Variants in CCDC38 observed in about 807,000 individuals in gnomAD.
The protein encoded by CCDC38 is coiled-coil domain-containing protein 38.
A neutral mutation model predicts 72.8 loss-of-function variants in CCDC38; 69 were observed. The ratio of observed to expected loss-of-function variants is 0.95; its 90% CI spans 0.78 to 1.16. CCDC38 has a LOEUF of 1.16. CCDC38 is among the 50% of genes most tolerant of loss of function. The pLI is 0.00. For missense variants in CCDC38, 626 were observed against 638.9 expected (o/e 0.98, Z 0.22); for synonymous variants, 201 against 213.2 (o/e 0.94, Z 0.50).
intron 14 of CCDC38, among the ~76,000 whole-genome samples, chr12:95,871,894 C>G (rs1256034488): frequency 6.6e-6 from 1 of 152,024 alleles, no homozygotes; most frequent in Non-Finnish European, 1.5e-5. Flanking sequence ...CCCATGATAG[C>G]TATTCAAAAA....
chr12:95,921,841 A>T (rs143702590), intron 2 of CCDC38, among the ~76,000 whole-genome samples: 73 of 152,150 alleles, frequency 4.8e-4, no homozygotes, highest in African/African-American at 1.8e-3. Context: ...AAGACTCCAC[A>T]TCCTCCCAGC....
chr12:95,909,038 A>C (rs932550270), intron 4 of CCDC38, among the ~76,000 whole-genome samples: 1 of 152,220 alleles, frequency 6.6e-6, no homozygotes, highest in African/African-American at 2.4e-5. Context: ...GAAAAGAAAT[A>C]ACTAAAATCA....
Position 95,898,597 on chromosome 12 carries a change from A to AT in CCDC38, c.503dup (p.Asn168LysfsTer2). The AT allele has an allele frequency of 6.2e-7, 1 of 1,614,140 alleles. No individual in the cohort carries two copies. Among genetic ancestry groups the AT allele is most frequent in the Non-Finnish European group, 8.5e-7 (1 of 1,180,004 alleles). On this transcript the variant is annotated frameshift_variant, in exon 6 of 16. Coordinates refer to ENST00000344280, the MANE Select transcript of CCDC38 (RefSeq NM_182496.3). LOFTEE classifies it high-confidence loss of function. ...TCAGAGCGTCTACAGATCTCTGGTC[A>AT]TTTTCTCGAAGGAACTCTTCAAAGG... is the stretch of plus-strand genomic sequence containing the variant.
intron 11 of CCDC38, among the ~76,000 whole-genome samples, chr12:95,880,199 T>C (rs1245786322): frequency 6.6e-6 from 1 of 152,230 alleles, no homozygotes. Context: ...ATAAAGTATG[T>C]GTTACCTTAA....
intron 12 of CCDC38, among the ~76,000 whole-genome samples, chr12:95,878,554 A>G (rs537508495): frequency 2.0e-5 from 3 of 152,316 alleles, no homozygotes; most frequent in East Asian, 3.9e-4. Context: ...TTTAACTTCC[A>G]TCAGAAGGCA....
chr12:95,935,465 G>A, intron 2 of CCDC38: 1 of 230,256 alleles, frequency 4.3e-6, no homozygotes, highest in Admixed American at 4.8e-5. Flanking sequence ...CCCAGGAACA[G>A]GCCAGAAGGA....
At chr12:95,918,549 A>G (rs2080170416) in intron 3 of CCDC38, among the ~76,000 whole-genome samples, 1 of 152,208 alleles carries the variant, frequency 6.6e-6, no homozygotes, top group South Asian at 2.1e-4. Context: ...CATCCCATCT[A>G]TGTAAGCTAG....
chr12:95,879,797 TA>T lies in CCDC38; in HGVS notation c.991-3del, dbSNP rs754551311. The T allele has an allele frequency of 6.3e-7, 1 of 1,588,912 alleles. No homozygotes were observed. The highest frequency in any genetic ancestry group is 8.6e-7 in the Non-Finnish European group (1 of 1,169,178). Reference sequence around the variant, plus strand: ...TTCCTTGAAATAAAGTGCTGGCTCCTAATTAATCAATAATGAAGAATATAAT... The same window carrying T: ...TTCCTTGAAATAAAGTGCTGGCTCCTATTAATCAATAATGAAGAATATAAT... On this transcript the variant is annotated splice_polypyrimidine_tract_variant and splice_region_variant and intron_variant, in intron 11 of 15. Coordinates refer to ENST00000344280, the MANE Select transcript of CCDC38 (RefSeq NM_182496.3). This position sits in a 1 kb window ranked among gnomAD's most constrained non-coding sequence, Gnocchi z 5.5.
At chr12:95,910,700 A>C (rs1268412704) in intron 4 of CCDC38, among the ~76,000 whole-genome samples, 1 of 152,130 alleles carries the variant, frequency 6.6e-6, no homozygotes, top group East Asian at 1.9e-4. Flanking sequence ...CCATCTTTAC[A>C]AAAAAATTAA....
At chr12:95,876,890 A>G (rs1565942638) in intron 13 of CCDC38, among the ~76,000 whole-genome samples, 1 of 152,222 alleles carries the variant, frequency 6.6e-6, no homozygotes, top group African/African-American at 2.4e-5. Context: ...AACTGTTTTC[A>G]GTACTGACTG....
At chr12:95,890,170 C>T (rs2121454493) in intron 9 of CCDC38, among the ~76,000 whole-genome samples, 1 of 152,276 alleles carries the variant, frequency 6.6e-6, no homozygotes, top group Admixed American at 6.5e-5. Flanking sequence ...CCTCAGCCTC[C>T]CAAAGTGCTG....
intron 4 of CCDC38, among the ~76,000 whole-genome samples, chr12:95,910,728 G>C (rs2080084093): frequency 6.6e-6 from 1 of 152,166 alleles, no homozygotes; most frequent in Non-Finnish European, 1.5e-5. Flanking sequence ...GTTGAGCATG[G>C]TTGTGCGTGC....
intron 4 of CCDC38, among the ~76,000 whole-genome samples, chr12:95,914,186 A>T (rs1425026242): frequency 6.6e-6 from 1 of 152,174 alleles, no homozygotes; most frequent in Non-Finnish European, 1.5e-5. Context: ...TTAGCCAGGT[A>T]TAGTGGCATG....
rs755397979 is a variant in CCDC38 at position 95,867,195 on chromosome 12, A to G, written c.1579-6T>C. The G allele has an allele frequency of 1.4e-6, 2 of 1,468,842 alleles. No homozygotes were observed. The highest frequency in any genetic ancestry group is 1.9e-6 in the Non-Finnish European group (2 of 1,059,408). The allele number at this position is 1,468,842 out of a possible 1,614,324, so 91.0% of individuals were successfully genotyped here. On this transcript the variant is annotated splice_region_variant and splice_polypyrimidine_tract_variant and intron_variant, in intron 15 of 15. Transcript: ENST00000344280. ...AAGACAAGTCGTCTTCCCAACTGAA[A>G]CAAAAGAAAAACAAAATACTTAATA...
At chr12:95,915,933 G>T (rs1245561643) in intron 4 of CCDC38, among the ~76,000 whole-genome samples, 1 of 152,186 alleles carries the variant, frequency 6.6e-6, no homozygotes, top group Non-Finnish European at 1.5e-5. Flanking sequence ...AAATAGCAAT[G>T]CTGTTGAATG....
chr12:95,913,248 A>G (rs2080113199), intron 4 of CCDC38, among the ~76,000 whole-genome samples: 1 of 152,148 alleles, frequency 6.6e-6, no homozygotes, highest in Non-Finnish European at 1.5e-5. Flanking sequence ...CAGCTTCCTC[A>G]TTTGTGAAAT....
intron 1 of CCDC38, among the ~76,000 whole-genome samples, chr12:95,938,733 G>A (rs1201080168): frequency 6.6e-6 from 1 of 152,198 alleles, no homozygotes. Flanking sequence ...GTTAGGAAGG[G>A]ATTATAAAGT....
chr12:95,888,635 C>A, intron 9 of CCDC38, 129 bp from the exon 10 acceptor site: 1 of 714,356 alleles, frequency 1.4e-6, no homozygotes. Context: ...ATGCCCATTA[C>A]TTCTTTCTTT....
intron 5 of CCDC38, among the ~76,000 whole-genome samples, chr12:95,901,868 G>A (rs2079953678): frequency 1.3e-5 from 2 of 152,108 alleles, no homozygotes; most frequent in Non-Finnish European, 2.9e-5. Flanking sequence ...GTGGAGGCAG[G>A]AAATAAGTAT....
Sources: allele counts gnomAD v4.1 joint callset (sites outside exome capture counted in the v4.1 genomes callset), GRCh38; gene constraint gnomAD v4.1.1; non-coding constraint Gnocchi (gnomAD v3.1); transcripts MANE v1.5; gene names NCBI Gene and HGNC (gene_info 2026-07-23, HGNC 2026-07-21).